Variants in PLD5 observed in about 807,000 individuals in gnomAD.
PLD5 encodes phospholipase D family member 5.
A neutral mutation model predicts 61.1 loss-of-function variants in PLD5; 36 were observed. That is an observed-to-expected ratio of 0.59 (90% confidence interval 0.45 to 0.78). PLD5 has a LOEUF of 0.78. PLD5 is among the 30% of genes least tolerant of loss of function. The pLI is 0.00. For missense variants in PLD5, 515 were observed against 644.4 expected, an observed-to-expected ratio of 0.80 and a Z score of 2.17; for synonymous variants, 243 against 242.8, an observed-to-expected ratio of 1.00 and a Z score of -0.01.
intron 1 of PLD5, among the ~76,000 whole-genome samples, chr1:242,492,720 T>C (rs1668205157): frequency 6.6e-6 from 1 of 152,182 alleles, no homozygotes; most frequent in Non-Finnish European, 1.5e-5. Flanking sequence ...CTCACAGTTC[T>C]GGAGGCTGGG....
intron 5 of PLD5, among the ~76,000 whole-genome samples, chr1:242,155,028 T>C (rs1235644279): frequency 3.9e-5 from 6 of 152,216 alleles, no homozygotes; most frequent in African/African-American, 1.4e-4. Flanking sequence ...TCAGAACTTG[T>C]TATTGATCTA....
chr1:242,381,379 C>G (rs1662267569), intron 1 of PLD5, among the ~76,000 whole-genome samples: 1 of 152,044 alleles, frequency 6.6e-6, no homozygotes, highest in African/African-American at 2.4e-5. Context: ...ACAACACACA[C>G]TAGGGCCTAT....
At chr1:242,479,998 T>C (rs113641178) in intron 1 of PLD5, among the ~76,000 whole-genome samples, 9,909 of 149,618 alleles carry the variant, frequency 0.066, 389 homozygotes, top group African/African-American at 0.088. Context: ...TTGCAGTAAG[T>C]CGAGATCGTG....
chr1:242,349,786 C>T lies in PLD5; in HGVS notation c.190-1544G>A, dbSNP rs147412485. Among the ~76,000 whole-genome samples, 1,152 of 152,260 alleles carry T rather than the reference C, an allele frequency of 7.6e-3. 5 individuals are homozygous for T. The highest frequency in any genetic ancestry group is 0.016 in the South Asian group (76 of 4,822). On this transcript the variant is annotated intron_variant, in intron 1 of 9. Transcript: ENST00000536534. ...AATATTTGTGTACACCCAAAATTCA[C>T]ATGTTGAAACCTTAACCTCCAAGGT...
At chr1:242,526,420 C>G (rs1669448444), upstream of PLD5, among the ~76,000 whole-genome samples, 1 of 151,900 alleles carries the variant, frequency 6.6e-6, no homozygotes, top group African/African-American at 2.4e-5. Context: ...TATAGCATCT[C>G]TGATAATTTT....
intron 5 of PLD5, among the ~76,000 whole-genome samples, chr1:242,216,622 A>T (rs773455568): frequency 1.3e-5 from 2 of 152,206 alleles, no homozygotes; most frequent in Non-Finnish European, 2.9e-5. Flanking sequence ...AATAAATGCA[A>T]GCTTCGCTGA....
At chr1:242,214,119 C>T (rs545714740) in intron 5 of PLD5, among the ~76,000 whole-genome samples, 3 of 152,148 alleles carry the variant, frequency 2.0e-5, no homozygotes, top group East Asian at 1.9e-4. Context: ...TTTCTTATCT[C>T]GTACTCCTGG....
intron 1 of PLD5, among the ~76,000 whole-genome samples, chr1:242,460,564 ACAT>A (rs2102936627): frequency 6.6e-6 from 1 of 152,180 alleles, no homozygotes; most frequent in East Asian, 1.9e-4. Context: ...GATAATAAAG[ACAT>A]CATACTCTTC....
At chr1:242,530,124 C>T in the PLD5 span, among the ~76,000 whole-genome samples, 2 of 152,266 alleles carry the variant, frequency 1.3e-5, no homozygotes, top group East Asian at 3.9e-4. Context: ...GAACTCCCGA[C>T]CTCAGGCGAT....
chr1:242,391,383 C>T (rs1372455642), intron 1 of PLD5, among the ~76,000 whole-genome samples: 1 of 151,920 alleles, frequency 6.6e-6, no homozygotes, highest in Non-Finnish European at 1.5e-5. Flanking sequence ...AAAAAAAGAA[C>T]AAATGGAAAA....
intron 8 of PLD5, among the ~76,000 whole-genome samples, chr1:242,102,116 T>C (rs1261788531): frequency 6.6e-6 from 1 of 152,192 alleles, no homozygotes; most frequent in Admixed American, 6.5e-5. Context: ...GTCACATGAA[T>C]GTTGAGGGCA....
At chr1:242,407,658 C>T (rs111250193) in intron 1 of PLD5, among the ~76,000 whole-genome samples, 1,531 of 151,410 alleles carry the variant, frequency 0.01, 27 homozygotes, top group African/African-American at 0.035. Context: ...CAGCTCACTG[C>T]AACCTCTGCC....
At chr1:242,264,827 T>C (rs1301759060) in intron 4 of PLD5, among the ~76,000 whole-genome samples, 1 of 152,248 alleles carries the variant, frequency 6.6e-6, no homozygotes, top group African/African-American at 2.4e-5. Context: ...TCTTCAGTCT[T>C]CATGAGATTG....
intron 5 of PLD5, chr1:242,210,249 T>A (rs1171329929): frequency 6.6e-6 from 1 of 152,258 alleles, no homozygotes; most frequent in East Asian, 1.9e-4. Flanking sequence ...AATACACAAA[T>A]GTTAAGAAAG....
At chr1:242,184,639 G>T (rs1346051265) in intron 5 of PLD5, among the ~76,000 whole-genome samples, 1 of 152,168 alleles carries the variant, frequency 6.6e-6, no homozygotes, top group Non-Finnish European at 1.5e-5. Flanking sequence ...AAAGTGCTGG[G>T]ATTACAATGT....
chr1:242,128,016 C>A (rs1415206590), intron 5 of PLD5, among the ~76,000 whole-genome samples: 1 of 152,132 alleles, frequency 6.6e-6, no homozygotes, highest in African/African-American at 2.4e-5. Context: ...TTTGCTCACA[C>A]GTGGCAAACA....
intron 1 of PLD5, among the ~76,000 whole-genome samples, chr1:242,450,141 G>A (rs541388737): frequency 6.6e-6 from 1 of 152,262 alleles, no homozygotes; most frequent in African/African-American, 2.4e-5. Flanking sequence ...CTTTGGCCAC[G>A]TTTTATCGTT....
intron 3 of PLD5, among the ~76,000 whole-genome samples, chr1:242,287,830 GAA>G (rs1675114688): frequency 6.6e-6 from 1 of 152,108 alleles, no homozygotes; most frequent in African/African-American, 2.4e-5. Flanking sequence ...CCTTATTTTT[GAA>G]AAGAGATAAG....
Position 242,100,786 on chromosome 1 carries a change from T to C in PLD5, c.1240-4A>G, listed in dbSNP as rs1292881979. 1 of 1,579,932 alleles carries C rather than the reference T, an allele frequency of 6.3e-7. No individual in the cohort carries two copies. Among genetic ancestry groups the C allele is most frequent in the Admixed American group, 1.9e-5 (1 of 53,934 alleles). On this transcript the variant is annotated splice_region_variant and splice_polypyrimidine_tract_variant and intron_variant, in intron 8 of 9. Transcript: ENST00000536534. The stretch of plus-strand genomic sequence containing the variant: ...CTCTTTCCAGATCAAAAAATTTCTG[T>C]AAGAAAAAAAAAAAGGGGGCAGGTA...
Sources: gnomAD v4.1 joint callset for allele counts (sites outside exome capture counted in the v4.1 genomes callset) on GRCh38, gnomAD v4.1.1 for gene constraint, MANE v1.5 for transcripts, NCBI Gene and HGNC (gene_info 2026-07-23, HGNC 2026-07-21) for gene names.